Variants in C8B observed in about 807,000 individuals in gnomAD.
The protein encoded by C8B is complement component C8 beta chain.
Under a neutral mutation model 64.6 loss-of-function variants are expected in C8B, and 67 were observed. The observed-to-expected ratio is 1.04, with a 90% CI of 0.85 to 1.27. C8B has a LOEUF of 1.27. Ranked by LOEUF, C8B falls within the 50% of genes most tolerant of loss-of-function variation. C8B has a pLI of 0.00. For synonymous variants in C8B, 284 were observed against 257.7 expected, an observed-to-expected ratio of 1.10 and a Z score of -0.98; for missense variants, 790 against 725.2, an observed-to-expected ratio of 1.09 and a Z score of -1.03.
At chr1:56,965,242 G>A (rs1645236425) in intron 1 of C8B, among the ~76,000 whole-genome samples, 1 of 152,142 alleles carries the variant, frequency 6.6e-6, no homozygotes, top group South Asian at 2.1e-4. Flanking sequence ...TACGTCACTG[G>A]CTCTTCTATC....
intron 9 of C8B, among the ~76,000 whole-genome samples, chr1:56,935,345 T>A (rs1644761010): frequency 6.6e-6 from 1 of 152,176 alleles, no homozygotes; most frequent in African/African-American, 2.4e-5. Context: ...ATTTTTTTCC[T>A]GTCTTTTTTG....
In C8B at chr1:56,929,416, A is replaced by G; in HGVS notation, c.1764T>C (p.Leu588=). Residue 588 remains leucine, a synonymous_variant, in exon 12 of 12, where the codon CTT becomes CTC. Coordinates refer to ENST00000371237, the MANE Select transcript of C8B (RefSeq NM_000066.4). ...GCTGTATCATCTGCTAGGAGCAGTC[A>G]AGTGTTTCTGAAGCAGGGCCTGAAC... ...SPCSGPASET[L]DCS 6.2e-7 allele frequency: 1 copy of G among 1,612,154 alleles called. No individual in the cohort carries two copies. The highest frequency in any genetic ancestry group is 8.5e-7 in the Non-Finnish European group (1 of 1,179,912).
chr1:56,940,977 C>G lies in C8B; in HGVS notation c.1270G>C (p.Val424Leu). 1 of 1,614,124 alleles carries G rather than the reference C, an allele frequency of 6.2e-7. No individual in the cohort carries two copies. Reference sequence around the variant, plus strand: ...CTTGCCCCTCCTCGTACCAGGACCACCAAGTCCTCCACCATGGTGTCCCTC... The same window carrying G: ...CTTGCCCCTCCTCGTACCAGGACCAGCAAGTCCTCCACCATGGTGTCCCTC... ...NKRDTMVEDL[V>L]VLVRGGASEH... The change falls in exon 9 of 12, where the codon GTG becomes CTG. Residue 424 changes from valine (V) to leucine (L), a missense_variant. Transcript: ENST00000371237.
chr1:56,965,464 G>A (rs752686424), intron 1 of C8B, among the ~76,000 whole-genome samples: 8 of 151,592 alleles, frequency 5.3e-5, no homozygotes, highest in Admixed American at 2.0e-4. Context: ...CTGAAGATTT[G>A]GGGTTGATGA....
chr1:56,946,181 CT>C, intron 6 of C8B, 120 bp from the exon 7 acceptor site: 1 of 1,119,994 alleles, frequency 8.9e-7, no homozygotes, highest in South Asian at 1.3e-5. Context: ...CTTATGATTC[CT>C]TTAGGATACT....
At chr1:56,964,211 A>G (rs1485607239) in intron 1 of C8B, among the ~76,000 whole-genome samples, 1 of 152,190 alleles carries the variant, frequency 6.6e-6, no homozygotes, top group Non-Finnish European at 1.5e-5. Flanking sequence ...ACTCTAATCA[A>G]CAATTTGCCC....
chr1:56,929,766 T>C (rs1361249689), intron 11 of C8B, among the ~76,000 whole-genome samples: 1 of 152,158 alleles, frequency 6.6e-6, no homozygotes. Context: ...CAGAACACTC[T>C]TCCCTCCTCT....
chr1:56,931,811 C>G lies in C8B; in HGVS notation c.1620G>C (p.Lys540Asn), dbSNP rs867004391. The G allele has an allele frequency of 1.2e-6, 2 of 1,606,554 alleles. No homozygotes were observed. The highest frequency in any genetic ancestry group is 2.7e-5 in the African/African-American group (2 of 74,766). ...GAGTTCCTTTTCCAATTAACTTACT[C>G]TTCCGATAGGAGACCTCACAGGCTA... ...QGLACEVSYRKNTPIDGKWNC... is the reference protein window; with the variant it reads ...QGLACEVSYRNNTPIDGKWNC... Residue 540 changes from lysine (K) to asparagine (N), a missense_variant and splice_region_variant, in exon 11 of 12, where the codon AAG becomes AAC. Coordinates refer to ENST00000371237, the MANE Select transcript of C8B (RefSeq NM_000066.4).
At chr1:56,965,832 G>A (rs775938111) in intron 1 of C8B, 25 bp downstream of exon 1, 1 of 1,613,194 alleles carries the variant, frequency 6.2e-7, no homozygotes, top group Admixed American at 1.7e-5. Flanking sequence ...TATTGATCAG[G>A]GAATTATTGG....
intron 5 of C8B, 101 bp from the exon 6 acceptor site, chr1:56,949,853 T>C (rs1644995705): frequency 1.2e-6 from 1 of 815,880 alleles, no homozygotes; most frequent in African/African-American, 1.7e-5. Context: ...TGCTGGATAC[T>C]GAACTAGATG....
intron 2 of C8B, chr1:56,959,654 G>C: frequency 6.5e-7 from 1 of 1,530,786 alleles, no homozygotes; most frequent in Non-Finnish European, 8.7e-7. Flanking sequence ...TCCTGGACTT[G>C]ATCCTAAGGG....
At chr1:56,932,083 C>T (rs2101352636) in intron 10 of C8B, among the ~76,000 whole-genome samples, 1 of 152,264 alleles carries the variant, frequency 6.6e-6, no homozygotes, top group South Asian at 2.1e-4. Context: ...ATTGTCATCC[C>T]TAGGAATACA....
intron 5 of C8B, among the ~76,000 whole-genome samples, chr1:56,951,190 G>A (rs1227135154): frequency 1.3e-5 from 2 of 152,026 alleles, no homozygotes; most frequent in South Asian, 2.1e-4. Context: ...TGATCCTCCC[G>A]CCTCAGCCTC....
chr1:56,929,891 C>A (rs1438573321), intron 11 of C8B, among the ~76,000 whole-genome samples: 2 of 152,200 alleles, frequency 1.3e-5, no homozygotes, highest in African/African-American at 4.8e-5. Context: ...CCTAACTCTC[C>A]ATCAATTCCT....
chr1:56,947,472 G>A (rs1408500131), intron 6 of C8B, among the ~76,000 whole-genome samples: 2 of 151,990 alleles, frequency 1.3e-5, no homozygotes, highest in Non-Finnish European at 2.9e-5. Flanking sequence ...TTTTCTGCCC[G>A]ACATATACCT....
intron 7 of C8B, among the ~76,000 whole-genome samples, chr1:56,945,108 T>G (rs1217910502): frequency 1.3e-5 from 2 of 152,206 alleles, no homozygotes; most frequent in African/African-American, 4.8e-5. Flanking sequence ...CAAAGCTTGT[T>G]AGAAATGCAC....
intron 9 of C8B, among the ~76,000 whole-genome samples, chr1:56,940,320 C>A (rs959934233): frequency 6.6e-6 from 1 of 151,768 alleles, no homozygotes. Flanking sequence ...ATAATCCCAG[C>A]ACTTTGGGAG....
Position 56,940,870 on chromosome 1 carries a change from G to A in C8B, c.1377C>T (p.Asn459=), listed in dbSNP as rs1301353438. ...MQEWGDAVQY[N]PAIIKVKVEP... ...GTACCTTAACTTTGATGATGGCTGG[G>A]TTGTACTGCACAGCGTCTCCCCACT... is the stretch of plus-strand genomic sequence containing the variant. The change falls in exon 9 of 12, where the codon AAC becomes AAT. Residue 459 remains asparagine, a synonymous_variant. Transcript: ENST00000371237. The A allele has an allele frequency of 1.2e-6, 2 of 1,613,896 alleles. No homozygotes were observed. The highest frequency in any genetic ancestry group is 1.7e-5 in the Admixed American group (1 of 59,984).
rs111927445 is a variant in C8B, at chr1:56,942,448, T to A, written c.1234+1248A>T. Among the ~76,000 whole-genome samples, 1,177 of 152,298 alleles carry A rather than the reference T, an allele frequency of 7.7e-3. 12 individuals are homozygous for A. The highest frequency in any genetic ancestry group is 0.026 in the African/African-American group (1,072 of 41,560). ...CCAGCGTGGTGGCTCATGCCTCTAA[T>A]CCCAGCACTTTGGGAGGCCGAGGTG... On this transcript the variant is annotated intron_variant, in intron 8 of 11. Transcript: ENST00000371237.
Sources: allele counts gnomAD v4.1 joint callset (sites outside exome capture counted in the v4.1 genomes callset), GRCh38; gene constraint gnomAD v4.1.1; transcripts MANE v1.5; gene names NCBI Gene and HGNC (gene_info 2026-07-23, HGNC 2026-07-21).